The following LRCH1 variants were observed in gnomAD, a reference collection of about 807,000 sequenced individuals.
The protein encoded by LRCH1 is leucine rich repeats and calponin homology domain containing 1.
In LRCH1, 23 loss-of-function variants were observed where a neutral mutation model predicts 94.9. The observed-to-expected ratio is 0.24, with a 90% CI of 0.17 to 0.34. The LOEUF (loss-of-function observed/expected upper bound fraction) is 0.34, where lower values mean the gene tolerates loss of function less well. Among genes scored for constraint, LRCH1 ranks in the 10% least tolerant of loss-of-function variants. The probability of loss-of-function intolerance (pLI) is 1.00; values close to 1 mark genes in which losing one functional copy is unlikely to be tolerated. For synonymous variants in LRCH1, 364 were observed against 354.9 expected (o/e 1.03, Z -0.29); for missense variants, 790 against 945.9 (o/e 0.84, Z 2.16).
At chr13:46,705,394 T>C (rs1010868032) in intron 13 of LRCH1, 90 bp downstream of exon 13, 1 of 1,130,814 alleles carries the variant, frequency 8.8e-7, no homozygotes, top group African/African-American at 1.5e-5. Context: ...TGTCAGGGAG[T>C]GAAACATCTT....
In LRCH1 at chr13:46,727,451, G is replaced by A. The variant is rs530038248; in HGVS notation, c.1870-1396G>A. Among the ~76,000 whole-genome samples, 3 of 152,334 alleles carry A rather than the reference G, an allele frequency of 2.0e-5. No homozygotes were observed. In the South Asian group the frequency reaches 6.2e-4, roughly 32 times the overall value. The stretch of plus-strand genomic sequence containing the variant: ...GGAGGCCCAGAAGGAAAGGAGAATG[G>A]GAGCAAGGCAGAAGAGGAACTTGGG... On this transcript the variant is annotated intron_variant, in intron 17 of 19. Coordinates refer to ENST00000389797, the MANE Select transcript of LRCH1 (RefSeq NM_001164211.2).
chr13:46,586,184 A>T (rs1036232481), intron 1 of LRCH1, among the ~76,000 whole-genome samples: 2 of 152,194 alleles, frequency 1.3e-5, no homozygotes, highest in African/African-American at 2.4e-5. Context: ...AAAGTAAATG[A>T]TTGCAAAAAG....
intron 11 of LRCH1, among the ~76,000 whole-genome samples, chr13:46,702,116 G>T (rs1417890475): frequency 6.6e-6 from 1 of 152,216 alleles, no homozygotes; most frequent in Non-Finnish European, 1.5e-5. Context: ...GGGAAGATCT[G>T]CAGTGTGCAC....
intron 8 of LRCH1, among the ~76,000 whole-genome samples, chr13:46,694,342 T>C (rs560569222): frequency 3.3e-4 from 50 of 152,302 alleles, no homozygotes; most frequent in African/African-American, 1.1e-3. Context: ...AAGTGCCACA[T>C]CTGGGCATGC....
At chr13:46,617,202 C>T (rs1300640157) in intron 1 of LRCH1, among the ~76,000 whole-genome samples, 1 of 152,080 alleles carries the variant, frequency 6.6e-6, no homozygotes, top group Admixed American at 6.5e-5. Flanking sequence ...GTTGTTTATA[C>T]TTGGATGCTT....
intron 1 of LRCH1, among the ~76,000 whole-genome samples, chr13:46,633,116 C>T (rs2051038747): frequency 6.6e-6 from 1 of 152,168 alleles, no homozygotes; most frequent in Non-Finnish European, 1.5e-5. Flanking sequence ...CTTATCAGTG[C>T]TGCCCTAGCT....
chr13:46,557,425 G>A (rs1321549133), intron 1 of LRCH1, among the ~76,000 whole-genome samples: 1 of 150,622 alleles, frequency 6.6e-6, no homozygotes, highest in East Asian at 2.0e-4. Context: ...GAAAGACTAT[G>A]GGCCAGGCAC....
chr13:46,704,578 T>C (rs978218605), intron 11 of LRCH1, among the ~76,000 whole-genome samples: 8 of 152,078 alleles, frequency 5.3e-5, no homozygotes, highest in African/African-American at 1.7e-4. Context: ...TCTTCATCTC[T>C]TAAAATAGCA....
At chr13:46,736,015 G>A (rs1030922365) in intron 19 of LRCH1, among the ~76,000 whole-genome samples, 3 of 151,636 alleles carry the variant, frequency 2.0e-5, no homozygotes, top group African/African-American at 7.3e-5. Flanking sequence ...CAGGCTGGTC[G>A]CGAACTCCTG....
Position 46,589,094 on chromosome 13 carries a change from T to G in LRCH1, c.307+35391T>G, listed in dbSNP as rs902179984. Among the ~76,000 whole-genome samples, 6 of 152,142 alleles carry G rather than the reference T, an allele frequency of 3.9e-5. No homozygotes were observed. The South Asian group carries it at 1.2e-3, about 32-fold the overall frequency. On this transcript the variant is annotated intron_variant, in intron 1 of 19. Coordinates refer to ENST00000389797, the MANE Select transcript of LRCH1 (RefSeq NM_001164211.2). ...CTATGTCACCCAGGCTGGAGGGCAG[T>G]GGTGCAATCATAGCTCACTGCAGCC...
intron 1 of LRCH1, among the ~76,000 whole-genome samples, chr13:46,555,340 C>A (rs193000876): frequency 5.1e-4 from 78 of 152,336 alleles, no homozygotes; most frequent in Non-Finnish European, 8.7e-4. Context: ...ATAGAGCTGG[C>A]ATGACTAATA....
intron 1 of LRCH1, among the ~76,000 whole-genome samples, chr13:46,618,842 G>A (rs1472424196): frequency 1.3e-5 from 2 of 152,114 alleles, no homozygotes; most frequent in Admixed American, 1.3e-4. Context: ...AATTCTGTTG[G>A]TAGTCACTTA....
Position 46,589,201 on chromosome 13 carries a change from T to G in LRCH1, c.307+35498T>G, listed in dbSNP as rs1015564171. Among the ~76,000 whole-genome samples, 3 of 151,890 alleles carry G rather than the reference T, an allele frequency of 2.0e-5. No individual in the cohort carries two copies. The East Asian group carries it at 5.9e-4, about 30-fold the overall frequency. On this transcript the variant is annotated intron_variant, in intron 1 of 19. Coordinates refer to ENST00000389797, the MANE Select transcript of LRCH1 (RefSeq NM_001164211.2). ...ATAGGCACATGCCACCACACCTGGC[T>G]AATTTTAATTTTATTTCTATAGAGA...
chr13:46,563,716 A>G (rs2050153106), intron 1 of LRCH1, among the ~76,000 whole-genome samples: 1 of 152,218 alleles, frequency 6.6e-6, no homozygotes, highest in Non-Finnish European at 1.5e-5. Context: ...AACTCCAAGC[A>G]ATGCCTTTCT....
chr13:46,653,328 C>T (rs2051330413), intron 2 of LRCH1, among the ~76,000 whole-genome samples: 1 of 151,684 alleles, frequency 6.6e-6, no homozygotes, highest in South Asian at 2.1e-4. Context: ...ACCTATTCTC[C>T]CATACTGAAT....
chr13:46,639,536 ATT>A, intron 1 of LRCH1, among the ~76,000 whole-genome samples: 1 of 152,296 alleles, frequency 6.6e-6, no homozygotes, highest in Non-Finnish European at 1.5e-5. Context: ...TAATCATGTG[ATT>A]TAGTGAAAGG....
intron 1 of LRCH1, among the ~76,000 whole-genome samples, chr13:46,646,766 A>G (rs2051225541): frequency 6.6e-6 from 1 of 152,178 alleles, no homozygotes; most frequent in Non-Finnish European, 1.5e-5. Context: ...TGTTAATGGT[A>G]TATTAATACT....
downstream of LRCH1, among the ~76,000 whole-genome samples, chr13:46,748,655 C>A (rs962168201): frequency 3.3e-5 from 5 of 152,236 alleles, no homozygotes; most frequent in African/African-American, 1.2e-4. Flanking sequence ...TCAGACAGAA[C>A]TCCCCCATCC....
At chr13:46,730,500 T>C (rs1873049636) in intron 18 of LRCH1, among the ~76,000 whole-genome samples, 1 of 152,214 alleles carries the variant, frequency 6.6e-6, no homozygotes, top group Admixed American at 6.5e-5. Flanking sequence ...TACTTTCTTT[T>C]CTCTTGACAG....
Sources: allele counts gnomAD v4.1 joint callset (sites outside exome capture counted in the v4.1 genomes callset), GRCh38; gene constraint gnomAD v4.1.1; transcripts MANE v1.5; gene names NCBI Gene and HGNC (gene_info 2026-07-23, HGNC 2026-07-21).